MRTFA: variants seen among roughly 807,000 people sequenced by gnomAD.
MRTFA encodes the protein myocardin-related transcription factor A.
MRTFA carries 20 observed loss-of-function variants against 83.5 expected under a neutral mutation model. The observed-to-expected ratio is 0.24, with a 90% CI of 0.17 to 0.35. The LOEUF is 0.35. MRTFA is among the 10% of genes least tolerant of loss of function. The pLI, the probability that MRTFA is intolerant of heterozygous loss-of-function variation, is 1.00. For missense variants in MRTFA, 1,200 were observed against 1,224.7 expected (o/e 0.98, Z 0.30); for synonymous variants, 659 against 541.2 (o/e 1.22, Z -3.02).
chr22:40,550,711 C>T (rs1378542554), intron 3 of MRTFA, among the ~76,000 whole-genome samples: 1 of 152,086 alleles, frequency 6.6e-6, no homozygotes, highest in Non-Finnish European at 1.5e-5. Context: ...GTAAATAATA[C>T]AGACATATTT....
chr22:40,474,254 C>T (rs1354599693), intron 3 of MRTFA, among the ~76,000 whole-genome samples: 2 of 152,032 alleles, frequency 1.3e-5, no homozygotes, highest in Non-Finnish European at 2.9e-5. Flanking sequence ...TGACAACAAA[C>T]AAATAAATTC....
chr22:40,414,239 A>C (rs1873535021), intron 14 of MRTFA, among the ~76,000 whole-genome samples: 1 of 152,132 alleles, frequency 6.6e-6, no homozygotes, highest in Non-Finnish European at 1.5e-5. Context: ...GCTACTCGAG[A>C]AGCTGAGGCA....
intron 2 of MRTFA, among the ~76,000 whole-genome samples, chr22:40,576,421 G>A (rs1210157074): frequency 6.6e-6 from 1 of 152,164 alleles, no homozygotes; most frequent in Non-Finnish European, 1.5e-5. Flanking sequence ...GGTGAATGCT[G>A]ATAATAACTC....
At chr22:40,574,835 C>T (rs1467248947) in intron 2 of MRTFA, among the ~76,000 whole-genome samples, 1 of 152,090 alleles carries the variant, frequency 6.6e-6, no homozygotes, top group African/African-American at 2.4e-5. Flanking sequence ...ACTTCAGCTC[C>T]ATGGATTTTG....
chr22:40,560,574 T>C (rs1166529029), intron 2 of MRTFA, among the ~76,000 whole-genome samples: 1 of 152,218 alleles, frequency 6.6e-6, no homozygotes, highest in Non-Finnish European at 1.5e-5. Flanking sequence ...ACTCCTGTAA[T>C]TGTATTTACT....
intron 3 of MRTFA, among the ~76,000 whole-genome samples, chr22:40,470,254 T>TAA (rs2053880432): frequency 1.1e-5 from 1 of 88,362 alleles, no homozygotes; most frequent in African/African-American, 4.8e-5. Flanking sequence ...TATATATATA[T>TAA]ATATATATAT....
chr22:40,482,968 G>C (rs549894327), intron 3 of MRTFA, among the ~76,000 whole-genome samples: 1 of 152,086 alleles, frequency 6.6e-6, no homozygotes, highest in East Asian at 1.9e-4. Context: ...ACATCTGGTT[G>C]TGTGTGCCTG....
Position 40,575,457 on chromosome 22 carries a change from C to A in MRTFA, c.-22+19217G>T, listed in dbSNP as rs534381260. On this transcript the variant is annotated intron_variant, in intron 2 of 14. Transcript: ENST00000355630. ...AGATTAAATTTTAAATTAAAAAAAT[C>A]TTTTATAAAATGAGTCAAATATTTA... 9.2e-5 allele frequency among the ~76,000 whole-genome samples: 14 copies of A among 152,144 alleles called. No individual in the cohort carries two copies. In the South Asian group the frequency reaches 1.2e-3, roughly 14 times the overall value.
intron 4 of MRTFA, among the ~76,000 whole-genome samples, chr22:40,440,277 G>A (rs757514992): frequency 2.0e-5 from 3 of 152,092 alleles, no homozygotes; most frequent in African/African-American, 4.8e-5. Context: ...GGCAGGGACC[G>A]TTATTTCATG....
chr22:40,623,115 G>C (rs2056542526), intron 1 of MRTFA, among the ~76,000 whole-genome samples: 1 of 152,074 alleles, frequency 6.6e-6, no homozygotes, highest in African/African-American at 2.4e-5. Context: ...GGTAGAATTG[G>C]GGACTGGATA....
intron 2 of MRTFA, among the ~76,000 whole-genome samples, chr22:40,553,540 T>G (rs1052102540): frequency 2.0e-5 from 3 of 152,126 alleles, no homozygotes; most frequent in African/African-American, 7.2e-5. Context: ...GCAGCCGCCA[T>G]GTGGTGCTGA....
chr22:40,574,440 A>ATTTTT (rs1556012318), intron 2 of MRTFA, among the ~76,000 whole-genome samples: 36 of 147,792 alleles, frequency 2.4e-4, no homozygotes, highest in African/African-American at 8.9e-4. Context: ...TATTATTATT[A>ATTTTT]TTTTTTTTTT....
chr22:40,603,946 T>C (rs1602485237), intron 1 of MRTFA, among the ~76,000 whole-genome samples: 1 of 151,860 alleles, frequency 6.6e-6, no homozygotes, highest in East Asian at 1.9e-4. Context: ...GACAGGCCCA[T>C]GGTGGTGGTT....
chr22:40,508,365 A>T (rs1176111945), intron 3 of MRTFA, among the ~76,000 whole-genome samples: 3 of 151,804 alleles, frequency 2.0e-5, no homozygotes, highest in Non-Finnish European at 4.4e-5. Flanking sequence ...CAAAAAAACT[A>T]GCTGGGCGTG....
chr22:40,514,704 T>A (rs2054727553), intron 3 of MRTFA, among the ~76,000 whole-genome samples: 1 of 151,760 alleles, frequency 6.6e-6, no homozygotes, highest in South Asian at 2.1e-4. Context: ...GGTCTCAAAC[T>A]CCTGACCTCA....
At chr22:40,584,289 A>T (rs912791542) in intron 2 of MRTFA, among the ~76,000 whole-genome samples, 4 of 152,226 alleles carry the variant, frequency 2.6e-5, no homozygotes, top group African/African-American at 9.6e-5. Context: ...GTCTCCAAAT[A>T]AGTAAGTGGC....
At chr22:40,509,716 G>A (rs1184246969) in intron 3 of MRTFA, among the ~76,000 whole-genome samples, 2 of 152,024 alleles carry the variant, frequency 1.3e-5, no homozygotes, top group Non-Finnish European at 2.9e-5. Flanking sequence ...TAATCTAATG[G>A]CAACAGCTTT....
intron 2 of MRTFA, among the ~76,000 whole-genome samples, chr22:40,564,713 C>T (rs2055677380): frequency 6.6e-6 from 1 of 151,946 alleles, no homozygotes; most frequent in Non-Finnish European, 1.5e-5. Flanking sequence ...AGTGCAGTGG[C>T]GTGATCTTGG....
chr22:40,445,527 GTTTT>G (rs111369048), intron 4 of MRTFA, among the ~76,000 whole-genome samples: 3 of 150,902 alleles, frequency 2.0e-5, no homozygotes, highest in Non-Finnish European at 3.0e-5. Flanking sequence ...AAGCCAAGGG[GTTTT>G]TTTTTGTTTT....
Sources: gnomAD v4.1 joint callset for allele counts (sites outside exome capture counted in the v4.1 genomes callset) on GRCh38, gnomAD v4.1.1 for gene constraint, MANE v1.5 for transcripts, NCBI Gene and HGNC (gene_info 2026-07-23, HGNC 2026-07-21) for gene names.